Variants in EGFLAM observed in about 807,000 individuals in gnomAD.
The protein encoded by EGFLAM is EGF like, fibronectin type III and laminin G domains, also known as pikachurin.
In EGFLAM, 79 loss-of-function variants were observed where a neutral mutation model predicts 113.1. The ratio of observed to expected loss-of-function variants is 0.70; its 90% CI spans 0.58 to 0.84. The LOEUF is 0.84. EGFLAM is among the 40% of genes least tolerant of loss of function. EGFLAM has a pLI of 0.00. For synonymous variants in EGFLAM, 504 were observed against 487.6 expected (o/e 1.03, Z -0.44); for missense variants, 1,265 against 1,291.6 (o/e 0.98, Z 0.32).
At chr5:38,369,183 T>A (rs915316795) in intron 5 of EGFLAM, among the ~76,000 whole-genome samples, 1 of 152,148 alleles carries the variant, frequency 6.6e-6, no homozygotes, top group South Asian at 2.1e-4. Flanking sequence ...TTTCTAAGAG[T>A]GGCATTTAAA....
intron 6 of EGFLAM, among the ~76,000 whole-genome samples, chr5:38,392,891 T>G (rs1740854282): frequency 6.6e-6 from 1 of 152,020 alleles, no homozygotes; most frequent in Admixed American, 6.6e-5. Flanking sequence ...TGTCCAAGTG[T>G]TCTCATTATT....
chr5:38,437,945 G>A (rs758980486), intron 16 of EGFLAM, among the ~76,000 whole-genome samples: 16 of 152,078 alleles, frequency 1.1e-4, no homozygotes, highest in Non-Finnish European at 1.9e-4. Flanking sequence ...CCAACATGGT[G>A]AAACCCCATC....
intron 20 of EGFLAM, among the ~76,000 whole-genome samples, chr5:38,461,780 G>A (rs1023354249): frequency 1.3e-5 from 2 of 152,150 alleles, no homozygotes; most frequent in Non-Finnish European, 2.9e-5. Flanking sequence ...TTGAAAAATA[G>A]CTTTGAAAAC....
At chr5:38,448,143 T>A in intron 17 of EGFLAM, 158 bp from the exon 18 acceptor site, 1 of 770,820 alleles carries the variant, frequency 1.3e-6, no homozygotes, top group Non-Finnish European at 2.2e-6. Context: ...GTTGGGCAAC[T>A]GTGAACCTGG....
At chr5:38,379,751 C>T (rs1425989261) in intron 6 of EGFLAM, among the ~76,000 whole-genome samples, 3 of 151,412 alleles carry the variant, frequency 2.0e-5, no homozygotes, top group Non-Finnish European at 4.4e-5. Context: ...AGAATTAAAA[C>T]TGCAAGTCAC....
intron 1 of EGFLAM, among the ~76,000 whole-genome samples, chr5:38,328,146 G>A (rs1478256305): frequency 1.3e-5 from 2 of 152,174 alleles, no homozygotes; most frequent in East Asian, 3.9e-4. Flanking sequence ...GGCTGGGGAG[G>A]CTCGGGAATT....
chr5:38,381,577 T>C (rs545538109), intron 6 of EGFLAM, among the ~76,000 whole-genome samples: 1 of 152,126 alleles, frequency 6.6e-6, no homozygotes, highest in South Asian at 2.1e-4. Context: ...GAGGGGACTG[T>C]TTGCAACAGC....
At position 38,337,778 on chromosome 5, in the gene EGFLAM, G is replaced by A. The variant is rs558782129; in HGVS notation, c.207+149G>A. 3.2e-5 allele frequency: 22 copies of A among 686,066 alleles called. No homozygotes were observed. In the South Asian group the frequency reaches 4.1e-4, roughly 13 times the overall value. 42.5% of individuals were successfully genotyped at this position (686,066 alleles called of 1,614,324 possible). A position where few individuals can be genotyped will look rare whatever the true frequency, so the allele number is the denominator to read the frequency against. Reference sequence around the variant, plus strand: ...AAGCTAGAAGAAATGTCCCGCTTTGGAGGGTATTTGTAAATGCCCTGAATG... The same window carrying A: ...AAGCTAGAAGAAATGTCCCGCTTTGAAGGGTATTTGTAAATGCCCTGAATG... On this transcript the variant is annotated intron_variant, in intron 2 of 21. Coordinates refer to ENST00000322350, the MANE Select transcript of EGFLAM (RefSeq NM_152403.4).
rs139539513 is a variant in EGFLAM at position 38,431,195 on chromosome 5, C to T, written c.2073C>T (p.Thr691=). 101 of 1,614,112 alleles carry T rather than the reference C, an allele frequency of 6.3e-5. No individual in the cohort carries two copies. In the African/African-American group the frequency reaches 8.7e-4, roughly 14 times the overall value. Reference sequence around the variant, plus strand: ...TCCACAGGAGTGAAGATCCCCTCACCCTGGGCAACTGGCACGAGCTTCGTG... The same window carrying T: ...TCCACAGGAGTGAAGATCCCCTCACTCTGGGCAACTGGCACGAGCTTCGTG... ...TGVLRSEDPL[T]LGNWHELRVS... The change falls in exon 15 of 22, where the codon ACC becomes ACT. Residue 691 remains threonine, a synonymous_variant. Transcript: ENST00000322350.
At chr5:38,394,087 AT>A (rs1740889018) in intron 6 of EGFLAM, among the ~76,000 whole-genome samples, 1 of 151,706 alleles carries the variant, frequency 6.6e-6, no homozygotes, top group Non-Finnish European at 1.5e-5. Flanking sequence ...CTATCCATCT[AT>A]TTGTAGTCTC....
At chr5:38,277,068 G>A (rs1025010181) in intron 1 of EGFLAM, among the ~76,000 whole-genome samples, 3 of 152,038 alleles carry the variant, frequency 2.0e-5, no homozygotes, top group Non-Finnish European at 4.4e-5. Flanking sequence ...ATTCTACAAG[G>A]CTAGCAGTAC....
At chr5:38,391,003 A>C (rs2932111) in intron 6 of EGFLAM, among the ~76,000 whole-genome samples, 1 of 151,966 alleles carries the variant, frequency 6.6e-6, no homozygotes, top group Non-Finnish European at 1.5e-5. Context: ...ATTCAATGTA[A>C]TTAAACATCT....
At chr5:38,446,605 C>T (rs1290114427) in intron 17 of EGFLAM, among the ~76,000 whole-genome samples, 1 of 152,174 alleles carries the variant, frequency 6.6e-6, no homozygotes, top group African/African-American at 2.4e-5. Flanking sequence ...TCATCTCCGG[C>T]CCTGCTAGGT....
intron 1 of EGFLAM, among the ~76,000 whole-genome samples, chr5:38,271,028 T>A (rs1340979292): frequency 6.6e-6 from 1 of 152,232 alleles, no homozygotes; most frequent in Non-Finnish European, 1.5e-5. Flanking sequence ...TAGAGTTTAT[T>A]TCCTCAAATG....
At chr5:38,390,100 C>A (rs577876779) in intron 6 of EGFLAM, among the ~76,000 whole-genome samples, 5 of 152,150 alleles carry the variant, frequency 3.3e-5, no homozygotes, top group East Asian at 1.9e-4. Context: ...AGGGGCAGCC[C>A]CTGAGTACTT....
chr5:38,301,680 A>C (rs560943875), intron 1 of EGFLAM, among the ~76,000 whole-genome samples: 1 of 152,264 alleles, frequency 6.6e-6, no homozygotes, highest in South Asian at 2.1e-4. Context: ...TAGAAATCCA[A>C]AGAATTATGC....
intron 6 of EGFLAM, among the ~76,000 whole-genome samples, chr5:38,382,365 C>T (rs987719772): frequency 2.0e-5 from 3 of 152,070 alleles, no homozygotes; most frequent in African/African-American, 4.8e-5. Context: ...AAAGGTGTGC[C>T]ACATTTATTG....
At chr5:38,437,024 C>T (rs1356952451) in intron 16 of EGFLAM, among the ~76,000 whole-genome samples, 1 of 152,172 alleles carries the variant, frequency 6.6e-6, no homozygotes, top group Non-Finnish European at 1.5e-5. Context: ...CTTACTGTCT[C>T]GAAGTTCTGC....
intron 1 of EGFLAM, among the ~76,000 whole-genome samples, chr5:38,288,648 T>C (rs1758230005): frequency 6.6e-6 from 1 of 152,202 alleles, no homozygotes; most frequent in South Asian, 2.1e-4. Flanking sequence ...GTGGTATTGT[T>C]CAGTTACATA....
Sources: gnomAD v4.1 joint callset for allele counts (sites outside exome capture counted in the v4.1 genomes callset) on GRCh38, gnomAD v4.1.1 for gene constraint, MANE v1.5 for transcripts, NCBI Gene and HGNC (gene_info 2026-07-23, HGNC 2026-07-21) for gene names.